ADAMTS6: variants seen among roughly 807,000 people sequenced by gnomAD.
The protein encoded by ADAMTS6 is ADAM metallopeptidase with thrombospondin type 1 motif 6.
Under a neutral mutation model 144.3 loss-of-function variants are expected in ADAMTS6, and 23 were observed. That is an observed-to-expected ratio of 0.16 (90% CI 0.11 to 0.23). ADAMTS6 has a LOEUF of 0.23. Among genes scored for constraint, ADAMTS6 ranks in the 10% least tolerant of loss-of-function variants. The pLI, the probability that ADAMTS6 is intolerant of heterozygous loss-of-function variation, is 1.00. For missense variants in ADAMTS6, 999 were observed against 1,379.6 expected, an observed-to-expected ratio of 0.72 and a Z score of 4.37; for synonymous variants, 444 against 457.5, an observed-to-expected ratio of 0.97 and a Z score of 0.38.
intron 22 of ADAMTS6, among the ~76,000 whole-genome samples, chr5:65,182,611 T>C (rs1754434331): frequency 6.6e-6 from 1 of 152,122 alleles, no homozygotes; most frequent in Admixed American, 6.5e-5. Flanking sequence ...GAAACTGAAA[T>C]GCTAAGAGGT....
intron 7 of ADAMTS6, among the ~76,000 whole-genome samples, chr5:65,393,770 C>T (rs112792456): frequency 3.9e-5 from 6 of 152,136 alleles, no homozygotes; most frequent in East Asian, 1.9e-4. Context: ...AGAAAAATTG[C>T]GAGTTTTTCT....
chr5:65,317,088 C>A (rs1490575517), intron 9 of ADAMTS6, among the ~76,000 whole-genome samples: 1 of 152,118 alleles, frequency 6.6e-6, no homozygotes. Flanking sequence ...CAGGTGTGAG[C>A]CACTGCGCCT....
chr5:65,170,198 A>T (rs985424441), intron 24 of ADAMTS6, among the ~76,000 whole-genome samples: 2 of 152,234 alleles, frequency 1.3e-5, no homozygotes, highest in Non-Finnish European at 2.9e-5. Flanking sequence ...TGCTTTCATT[A>T]TATGTATAAC....
At chr5:65,339,562 A>G (rs2150072875) in intron 7 of ADAMTS6, among the ~76,000 whole-genome samples, 1 of 152,058 alleles carries the variant, frequency 6.6e-6, no homozygotes, top group South Asian at 2.1e-4. Context: ...TCAAAAAAAT[A>G]ATCTTAAGGA....
intron 7 of ADAMTS6, chr5:65,451,179 G>A (rs1175839721): frequency 1.4e-5 from 3 of 217,190 alleles, no homozygotes; most frequent in African/African-American, 2.3e-5. Context: ...TATTTTGTTC[G>A]GTTAACAAAT....
chr5:65,274,931 C>G (rs922717888), intron 11 of ADAMTS6, among the ~76,000 whole-genome samples: 2 of 152,106 alleles, frequency 1.3e-5, no homozygotes, highest in African/African-American at 4.8e-5. Context: ...GATCTGCCCC[C>G]ACTTGGCCTC....
intron 3 of ADAMTS6, among the ~76,000 whole-genome samples, chr5:65,466,699 T>C (rs1360503787): frequency 2.0e-5 from 3 of 152,192 alleles, no homozygotes; most frequent in Non-Finnish European, 4.4e-5. Context: ...ACTAGCTATA[T>C]GGTCTTTATA....
At chr5:65,206,103 G>A (rs1441554415) in intron 20 of ADAMTS6, among the ~76,000 whole-genome samples, 1 of 151,962 alleles carries the variant, frequency 6.6e-6, no homozygotes, top group Non-Finnish European at 1.5e-5. Flanking sequence ...CAACTTTAAT[G>A]ATACTCATTT....
intron 9 of ADAMTS6, among the ~76,000 whole-genome samples, chr5:65,316,516 A>G (rs1745014988): frequency 6.6e-6 from 1 of 152,192 alleles, no homozygotes; most frequent in Non-Finnish European, 1.5e-5. Context: ...TATAAGTGAA[A>G]GAAATGATAC....
intron 7 of ADAMTS6, among the ~76,000 whole-genome samples, chr5:65,434,911 A>G (rs1757275956): frequency 6.6e-6 from 1 of 152,200 alleles, no homozygotes; most frequent in Admixed American, 6.5e-5. Context: ...ACTCCTAAGG[A>G]GACAGATACA....
At chr5:65,213,796 T>G (rs1487913591) in intron 20 of ADAMTS6, among the ~76,000 whole-genome samples, 2 of 152,170 alleles carry the variant, frequency 1.3e-5, no homozygotes, top group East Asian at 3.8e-4. Flanking sequence ...TATTTCTGCA[T>G]AGTTTAAAAA....
At chr5:65,152,788 C>T (rs1752205717) in intron 24 of ADAMTS6, among the ~76,000 whole-genome samples, 1 of 152,158 alleles carries the variant, frequency 6.6e-6, no homozygotes, top group South Asian at 2.1e-4. Flanking sequence ...TCCATACAAC[C>T]CCACTGCTAG....
intron 7 of ADAMTS6, among the ~76,000 whole-genome samples, chr5:65,436,219 T>TACAC (rs547221276): frequency 2.0e-5 from 3 of 150,806 alleles, no homozygotes; most frequent in Non-Finnish European, 4.4e-5. Context: ...CCCCCATCTC[T>TACAC]ACACACACAC....
chr5:65,413,271 A>G (rs1755216959), intron 7 of ADAMTS6, among the ~76,000 whole-genome samples: 1 of 152,134 alleles, frequency 6.6e-6, no homozygotes, highest in South Asian at 2.1e-4. Context: ...CACTTTCAAG[A>G]AAGTGAATAA....
At chr5:65,249,387 C>T (rs1738719948) in intron 14 of ADAMTS6, among the ~76,000 whole-genome samples, 1 of 152,142 alleles carries the variant, frequency 6.6e-6, no homozygotes. Flanking sequence ...ATGCTCACCT[C>T]CCAAGGGCAG....
chr5:65,242,885 G>A (rs561573550), intron 14 of ADAMTS6, among the ~76,000 whole-genome samples: 48 of 151,998 alleles, frequency 3.2e-4, no homozygotes, highest in Middle Eastern at 3.4e-3. Flanking sequence ...TTAAGAGGGT[G>A]AAAAAAGGAT....
At chr5:65,276,661 T>C (rs974830745) in intron 11 of ADAMTS6, among the ~76,000 whole-genome samples, 2 of 152,226 alleles carry the variant, frequency 1.3e-5, no homozygotes, top group African/African-American at 4.8e-5. Flanking sequence ...TGCATAGGTA[T>C]GTCAGTTTCA....
chr5:65,434,590 T>C (rs1757245485), intron 7 of ADAMTS6, among the ~76,000 whole-genome samples: 1 of 152,156 alleles, frequency 6.6e-6, no homozygotes. Context: ...CAAACTAAGT[T>C]CATAACAGAT....
intron 9 of ADAMTS6, among the ~76,000 whole-genome samples, chr5:65,313,597 T>C (rs554816536): frequency 6.6e-6 from 1 of 152,124 alleles, no homozygotes; most frequent in African/African-American, 2.4e-5. Context: ...AATCTAAAAA[T>C]TTTAAAGTGA....
Sources: allele counts gnomAD v4.1 joint callset (sites outside exome capture counted in the v4.1 genomes callset), GRCh38; gene constraint gnomAD v4.1.1; transcripts MANE v1.5; gene names NCBI Gene and HGNC (gene_info 2026-07-23, HGNC 2026-07-21).